Variants in TUBGCP4 observed in about 807,000 individuals in gnomAD.
TUBGCP4 encodes the protein tubulin gamma complex component 4.
In TUBGCP4, 54 loss-of-function variants were observed where a neutral mutation model predicts 91.6. That is an observed-to-expected ratio of 0.59 (90% CI 0.47 to 0.74). The LOEUF is 0.74. Among genes scored for constraint, TUBGCP4 ranks in the 30% least tolerant of loss-of-function variants. The pLI is 0.00. For synonymous variants in TUBGCP4, 297 were observed against 302.8 expected (o/e 0.98, Z 0.20); for missense variants, 593 against 800.9 (o/e 0.74, Z 3.13).
rs2044207333 is a variant in TUBGCP4 at position 43,376,529 on chromosome 15, A to G, written c.234A>G (p.Gln78=). The stretch of plus-strand genomic sequence containing the variant: ...ATCACCATCCATCTCAACAGGGCCA[A>G]GGTGGGTTACATGGAATCTACCTGC... ...QQDHHPSQQG[Q]GGLHGIYLRA... is the part of the protein sequence containing the mutation. The change falls in exon 3 of 18, where the codon CAA becomes CAG. Residue 78 remains glutamine (Q), a synonymous_variant. Transcript: ENST00000564079. 6.2e-7 allele frequency: 1 copy of G among 1,614,220 alleles called. No individual in the cohort carries two copies. Among genetic ancestry groups the G allele is most frequent in the Non-Finnish European group, 8.5e-7 (1 of 1,180,048 alleles).
rs1414409767 is a variant in TUBGCP4 at position 43,383,317 on chromosome 15, GT to G, written c.537del (p.His180MetfsTer51). On this transcript the variant is annotated frameshift_variant, in exon 7 of 18. Transcript: ENST00000564079. LOFTEE classifies it high-confidence loss of function. The stretch of plus-strand genomic sequence containing the variant: ...ACTCTGCCCAGAATCCTGGCCGTTT[GT>G]CATGGGGTCATGTATAAACAGCTCT... ...RSALEKILAV[C>X]HGVMYKQLSA... 1.2e-6 allele frequency: 2 copies of G among 1,613,658 alleles called. No individual in the cohort carries two copies. Among genetic ancestry groups the G allele is most frequent in the Non-Finnish European group, 8.5e-7 (1 of 1,179,796 alleles).
chr15:43,401,978 G>C, intron 15 of TUBGCP4, 128 bp downstream of exon 15: 1 of 1,308,630 alleles, frequency 7.6e-7, no homozygotes, highest in South Asian at 1.5e-5. Context: ...CATTTTTTAA[G>C]AATGTGTAAA....
At chr15:43,371,514 A>G in intron 1 of TUBGCP4, 82 bp downstream of exon 1, 4 of 1,428,528 alleles carry the variant, frequency 2.8e-6, no homozygotes, top group Non-Finnish European at 3.9e-6. Flanking sequence ...AGGCTGAGGG[A>G]CCTAGCGAGC....
At chr15:43,381,597 TGTG>T (rs2044286283) in intron 6 of TUBGCP4, among the ~76,000 whole-genome samples, 1 of 151,786 alleles carries the variant, frequency 6.6e-6, no homozygotes, top group Admixed American at 6.6e-5. Flanking sequence ...ATTAGCCAGG[TGTG>T]GTGCCTGCCT....
At chr15:43,380,841 C>A (rs2142787929) in intron 6 of TUBGCP4, among the ~76,000 whole-genome samples, 1 of 152,234 alleles carries the variant, frequency 6.6e-6, no homozygotes, top group South Asian at 2.1e-4. Context: ...AGAGTATAAT[C>A]AAAGACTGCC....
At position 43,385,967 on chromosome 15, in the gene TUBGCP4, C is replaced by G. The variant is rs764744103; in HGVS notation, c.889+11C>G. ...ACCTGACTAGAAAAGGTAGAAATCTCCTTGTCCAATGTACCACACCCTCAA... is the reference window on the plus strand; with the variant it reads ...ACCTGACTAGAAAAGGTAGAAATCTGCTTGTCCAATGTACCACACCCTCAA... On this transcript the variant is annotated intron_variant, in intron 8 of 17. Coordinates refer to ENST00000564079, the MANE Select transcript of TUBGCP4 (RefSeq NM_014444.5). 6.2e-7 allele frequency: 1 copy of G among 1,613,206 alleles called. No homozygotes were observed. Among genetic ancestry groups the G allele is most frequent in the South Asian group, 1.1e-5 (1 of 90,912 alleles).
At chr15:43,395,983 C>T (rs531560982) in intron 11 of TUBGCP4, among the ~76,000 whole-genome samples, 5 of 152,232 alleles carry the variant, frequency 3.3e-5, no homozygotes, top group Admixed American at 2.0e-4. Flanking sequence ...CTTAGTGCTG[C>T]TTGTAGTTTT....
rs773357928 is a variant in TUBGCP4 at position 43,376,163 on chromosome 15, C to T, written c.144C>T (p.Leu48=). ...GTGTCCTGAATCGACTCTGCCGGCT[C>T]GGCACAGACTATATTCGCTTCACTG... ...ETSVLNRLCR[L]GTDYIRFTEF... The change falls in exon 2 of 18, where the codon CTC becomes CTT. Residue 48 remains leucine, a synonymous_variant. Transcript: ENST00000564079. 12 of 1,614,002 alleles carry T rather than the reference C, an allele frequency of 7.4e-6. No individual in the cohort carries two copies. The highest frequency in any genetic ancestry group is 2.2e-5 in the East Asian group (1 of 44,888).
chr15:43,405,409 T>G lies in TUBGCP4; in HGVS notation c.*195T>G. 1 of 622,820 alleles carries G rather than the reference T, an allele frequency of 1.6e-6. No individual in the cohort carries two copies. The allele number at this position is 622,820 out of a possible 1,614,324, so 38.6% of individuals were successfully genotyped here. A position where few individuals can be genotyped will look rare whatever the true frequency, so the allele number is the denominator to read the frequency against. On this transcript the variant is annotated 3_prime_UTR_variant, in exon 18 of 18. Transcript: ENST00000564079. ...CATCATTCCCATGTGGAAGGGTCTC[T>G]CCCATCAAGGAGAACATGTGGCATC...
At chr15:43,398,656 T>C (rs555170210) in intron 13 of TUBGCP4, among the ~76,000 whole-genome samples, 2 of 152,320 alleles carry the variant, frequency 1.3e-5, no homozygotes, top group South Asian at 4.1e-4. Context: ...GTCGAGATAA[T>C]GGCCCTTGAT....
chr15:43,393,620 C>T lies in TUBGCP4; in HGVS notation c.1015-1487C>T, dbSNP rs142124549. Among the ~76,000 whole-genome samples, 97 of 152,058 alleles carry T rather than the reference C, an allele frequency of 6.4e-4. 1 individual carries two copies. The East Asian group carries it at 8.3e-3, about 13-fold the overall frequency. On this transcript the variant is annotated intron_variant, in intron 9 of 17. Coordinates refer to ENST00000564079, the MANE Select transcript of TUBGCP4 (RefSeq NM_014444.5). ...GGTCCCCCCACCCTACAACAGTCCC[C>T]GGTGTGTGATGTTCCCCTTCCTGTG...
chr15:43,372,078 TG>T (rs1039969287), intron 1 of TUBGCP4, among the ~76,000 whole-genome samples: 57 of 152,356 alleles, frequency 3.7e-4, no homozygotes, highest in African/African-American at 1.4e-3. Flanking sequence ...AGCTTAGTTT[TG>T]AAGCCAGGTC....
In TUBGCP4 at chr15:43,407,509, C is replaced by G. The variant is rs1200447833; in HGVS notation, c.*2295C>G. On this transcript the variant is annotated 3_prime_UTR_variant, in exon 18 of 18. Coordinates refer to ENST00000564079, the MANE Select transcript of TUBGCP4 (RefSeq NM_014444.5). ...GCAGCTGCAATGCTTCAGCACACTTCAGCACCGAGGCTGGGCATGAGGGGT... is the reference window on the plus strand; with the variant it reads ...GCAGCTGCAATGCTTCAGCACACTTGAGCACCGAGGCTGGGCATGAGGGGT... 6.2e-7 allele frequency: 1 copy of G among 1,614,234 alleles called. No individual in the cohort carries two copies. The highest frequency in any genetic ancestry group is 2.2e-5 in the East Asian group (1 of 44,878).
Position 43,406,840 on chromosome 15 carries a change from T to TCGTTCTCCCTTTAG in TUBGCP4, c.*1628_*1641dup. ...TGTCCCTTCATGGCAGTTGGTCCTTTCGTTCTCCCTTTAGCTCTAAGAGTT... is the reference window on the plus strand; with the variant it reads ...TGTCCCTTCATGGCAGTTGGTCCTTTCGTTCTCCCTTTAGCGTTCTCCCTTTAGCTCTAAGAGTT... On this transcript the variant is annotated 3_prime_UTR_variant, in exon 18 of 18. Coordinates refer to ENST00000564079, the MANE Select transcript of TUBGCP4 (RefSeq NM_014444.5). The TCGTTCTCCCTTTAG allele has an allele frequency of 6.2e-6, 2 of 324,098 alleles. No homozygotes were observed. The highest frequency in any genetic ancestry group is 5.4e-5 in the South Asian group (2 of 36,842). 20.1% of individuals were successfully genotyped at this position (324,098 alleles called of 1,614,324 possible). A position where few individuals can be genotyped will look rare whatever the true frequency, so the allele number is the denominator to read the frequency against.
At chr15:43,401,633 T>C in intron 14 of TUBGCP4, 83 bp from the exon 15 acceptor site, 3 of 1,465,034 alleles carry the variant, frequency 2.0e-6, no homozygotes, top group Non-Finnish European at 2.8e-6. Flanking sequence ...GCAAAGCATT[T>C]TCATTTCAAT....
intron 15 of TUBGCP4, chr15:43,402,938 A>G (rs2044719268): frequency 6.6e-6 from 1 of 152,246 alleles, no homozygotes; most frequent in South Asian, 2.1e-4. Context: ...AGAGTAAGAT[A>G]TATATTAATA....
chr15:43,393,662 G>T (rs1053365179), intron 9 of TUBGCP4, among the ~76,000 whole-genome samples: 1 of 151,568 alleles, frequency 6.6e-6, no homozygotes, highest in Non-Finnish European at 1.5e-5. Flanking sequence ...TGTTCTCATT[G>T]TTCAATTCCC....
chr15:43,385,378 C>T (rs556501110), intron 7 of TUBGCP4: 32 of 456,886 alleles, frequency 7.0e-5, no homozygotes, highest in African/African-American at 5.0e-4. Context: ...TCACAGAAGA[C>T]GATGTGATTG....
In TUBGCP4 at chr15:43,406,938, AC is replaced by A; in HGVS notation, c.*1725del. 1 of 245,720 alleles carries A rather than the reference AC, an allele frequency of 4.1e-6. No homozygotes were observed. The highest frequency in any genetic ancestry group is 8.0e-6 in the Non-Finnish European group (1 of 124,264). The allele number at this position is 245,720 out of a possible 1,614,324, so 15.2% of individuals were successfully genotyped here. A position where few individuals can be genotyped will look rare whatever the true frequency, so the allele number is the denominator to read the frequency against. ...TGAGGTCTTTTTTAACTGTCAGGAA[AC>A]AGAGCTGTGCCCAATTCCACTCAAC... On this transcript the variant is annotated 3_prime_UTR_variant, in exon 18 of 18. Transcript: ENST00000564079.
Sources: gnomAD v4.1 joint callset for allele counts (sites outside exome capture counted in the v4.1 genomes callset) on GRCh38, gnomAD v4.1.1 for gene constraint, MANE v1.5 for transcripts, NCBI Gene and HGNC (gene_info 2026-07-23, HGNC 2026-07-21) for gene names.